AUTS2: variants seen among roughly 807,000 people sequenced by gnomAD.
AUTS2 encodes the protein activator of transcription and developmental regulator AUTS2.
A neutral mutation model predicts 112.4 loss-of-function variants in AUTS2; 17 were observed. That is an observed-to-expected ratio of 0.15 (90% CI 0.10 to 0.23). The LOEUF (loss-of-function observed/expected upper bound fraction) is 0.23, where lower values mean the gene tolerates loss of function less well. Among genes scored for constraint, AUTS2 ranks in the 10% least tolerant of loss-of-function variants. The probability of loss-of-function intolerance (pLI) is 1.00; values close to 1 mark genes in which losing one functional copy is unlikely to be tolerated. For missense variants in AUTS2, 1,510 were observed against 1,701.6 expected, an observed-to-expected ratio of 0.89 and a Z score of 1.98; for synonymous variants, 751 against 702.7, an observed-to-expected ratio of 1.07 and a Z score of -1.09.
chr7:70,512,942 G>A (rs896196423), intron 5 of AUTS2, among the ~76,000 whole-genome samples: 1 of 152,162 alleles, frequency 6.6e-6, no homozygotes, highest in Non-Finnish European at 1.5e-5. Context: ...CTGTCAGGCA[G>A]ATCCAGCAGT....
At chr7:70,337,287 G>T (rs1366729722) in intron 4 of AUTS2, among the ~76,000 whole-genome samples, 1 of 152,118 alleles carries the variant, frequency 6.6e-6, no homozygotes, top group Non-Finnish European at 1.5e-5. Context: ...ACAAAGTTAG[G>T]CTTCAAAATA....
chr7:70,348,687 G>T (rs998058798), intron 4 of AUTS2, among the ~76,000 whole-genome samples: 7 of 152,178 alleles, frequency 4.6e-5, no homozygotes, highest in African/African-American at 1.7e-4. Context: ...GCGGGCGCCT[G>T]TAGTCCCAGC....
intron 5 of AUTS2, among the ~76,000 whole-genome samples, chr7:70,605,572 T>C: frequency 6.9e-6 from 1 of 145,946 alleles, no homozygotes; most frequent in East Asian, 2.0e-4. Flanking sequence ...TTTTTGGTCT[T>C]TTCTTTCTCT....
At chr7:70,426,812 G>A (rs2130766904) in intron 4 of AUTS2, among the ~76,000 whole-genome samples, 1 of 151,096 alleles carries the variant, frequency 6.6e-6, no homozygotes, top group South Asian at 2.1e-4. Flanking sequence ...CCCAGGCAGA[G>A]AAGAAAGGGA....
chr7:70,348,971 T>C (rs534053335), intron 4 of AUTS2, among the ~76,000 whole-genome samples: 1 of 152,200 alleles, frequency 6.6e-6, no homozygotes, highest in Admixed American at 6.5e-5. Context: ...ATATTAGTCT[T>C]AAGAACTTTT....
In AUTS2 at chr7:70,280,799, A is replaced by G. The variant is rs145448852; in HGVS notation, c.660+146228A>G. ...GGAAACCTATATTGACAGCCAGGTT[A>G]TGATTTTACACATGTAATAAGAAGA... On this transcript the variant is annotated intron_variant, in intron 4 of 18. Coordinates refer to ENST00000342771, the MANE Select transcript of AUTS2 (RefSeq NM_015570.4). Among the ~76,000 whole-genome samples the G allele has an allele frequency of 2.1e-3, 315 of 152,300 alleles. 1 individual carries two copies. Among genetic ancestry groups the G allele is most frequent in the African/African-American group, 7.2e-3 (301 of 41,578 alleles).
intron 1 of AUTS2, among the ~76,000 whole-genome samples, chr7:69,704,480 G>C (rs10244001): frequency 1.3e-5 from 2 of 151,820 alleles, no homozygotes; most frequent in African/African-American, 4.8e-5. Flanking sequence ...GGATTTCATC[G>C]TGCTAACCAG....
chr7:70,048,667 T>TA (rs1801610784), intron 2 of AUTS2, among the ~76,000 whole-genome samples: 1 of 152,224 alleles, frequency 6.6e-6, no homozygotes, highest in South Asian at 2.1e-4. Context: ...GTATACCTAT[T>TA]ATACGTTGAA....
At chr7:70,607,190 T>A (rs1585369256) in intron 5 of AUTS2, among the ~76,000 whole-genome samples, 1 of 152,282 alleles carries the variant, frequency 6.6e-6, no homozygotes, top group Admixed American at 6.5e-5. Flanking sequence ...GTGATTGGAT[T>A]ACAGTTCCTT....
At chr7:70,388,949 C>G (rs1021374576) in intron 4 of AUTS2, among the ~76,000 whole-genome samples, 3 of 152,088 alleles carry the variant, frequency 2.0e-5, no homozygotes, top group African/African-American at 7.2e-5. Context: ...ACTATCAGAT[C>G]CACTTCAAGA....
chr7:70,003,711 A>G (rs1799363627), intron 2 of AUTS2, among the ~76,000 whole-genome samples: 1 of 91,050 alleles, frequency 1.1e-5, no homozygotes, highest in Admixed American at 1.2e-4. Context: ...ATATATATGA[A>G]TGTGTTATAT....
intron 4 of AUTS2, among the ~76,000 whole-genome samples, chr7:70,169,490 G>A (rs914622449): frequency 2.0e-5 from 3 of 152,038 alleles, no homozygotes; most frequent in African/African-American, 4.8e-5. Context: ...ATCTGCCTGC[G>A]TCTACCTCCC....
chr7:69,624,214 A>G (rs1346226632), intron 1 of AUTS2, among the ~76,000 whole-genome samples: 1 of 152,230 alleles, frequency 6.6e-6, no homozygotes, highest in African/African-American at 2.4e-5. Context: ...GAAAATGCGT[A>G]AGGACAGATT....
chr7:70,066,731 G>A (rs1308294059), intron 2 of AUTS2, among the ~76,000 whole-genome samples: 1 of 151,920 alleles, frequency 6.6e-6, no homozygotes, highest in African/African-American at 2.4e-5. Context: ...GTAGAGACAG[G>A]GTTTCACTAT....
chr7:69,711,828 T>C (rs948585022), intron 1 of AUTS2, among the ~76,000 whole-genome samples: 1 of 152,196 alleles, frequency 6.6e-6, no homozygotes, highest in African/African-American at 2.4e-5. Flanking sequence ...TGTACATTTG[T>C]GTGTAATATG....
At chr7:69,913,522 G>A (rs970069133) in intron 2 of AUTS2, among the ~76,000 whole-genome samples, 4 of 152,110 alleles carry the variant, frequency 2.6e-5, no homozygotes, top group Admixed American at 6.5e-5. Context: ...GGACCTCACT[G>A]TGTGACACAG....
chr7:70,208,227 A>G (rs572391287), intron 4 of AUTS2, among the ~76,000 whole-genome samples: 1 of 152,194 alleles, frequency 6.6e-6, no homozygotes, highest in Non-Finnish European at 1.5e-5. Context: ...AGTCACACAC[A>G]TGGTGTATTC....
intron 4 of AUTS2, among the ~76,000 whole-genome samples, chr7:70,424,067 G>A (rs1312607044): frequency 1.3e-5 from 2 of 152,160 alleles, no homozygotes; most frequent in Admixed American, 6.5e-5. Context: ...AAATCCGGTG[G>A]GGTGTGTATC....
At chr7:70,677,724 C>T (rs1453730409) in intron 5 of AUTS2, among the ~76,000 whole-genome samples, 4 of 151,998 alleles carry the variant, frequency 2.6e-5, no homozygotes, top group Non-Finnish European at 5.9e-5. Flanking sequence ...CAGCCCACCT[C>T]GGGTGACTTT....
Sources: gnomAD v4.1 joint callset for allele counts (sites outside exome capture counted in the v4.1 genomes callset) on GRCh38, gnomAD v4.1.1 for gene constraint, MANE v1.5 for transcripts, NCBI Gene and HGNC (gene_info 2026-07-23, HGNC 2026-07-21) for gene names.